The following ADGRV1 variants were observed in gnomAD, a reference collection of about 807,000 sequenced individuals.
ADGRV1 encodes adhesion G protein-coupled receptor V1.
Under a neutral mutation model 596.2 loss-of-function variants are expected in ADGRV1, and 359 were observed. That is an observed-to-expected ratio of 0.60 (90% CI 0.55 to 0.66). The LOEUF (loss-of-function observed/expected upper bound fraction) is 0.66, where lower values mean the gene tolerates loss of function less well. Ranked by LOEUF, ADGRV1 falls within the 30% of genes least tolerant of loss-of-function variation. The pLI is 0.00. For synonymous variants in ADGRV1, 2,681 were observed against 2,679.2 expected (o/e 1.00, Z -0.02); for missense variants, 7,274 against 7,575.6 (o/e 0.96, Z 1.48).
At position 90,745,221 on chromosome 5, in the gene ADGRV1, A is replaced by G. The variant is rs1754475177; in HGVS notation, c.10725A>G (p.Ile3575Met). The G allele has an allele frequency of 9.3e-6, 15 of 1,609,808 alleles. No homozygotes were observed. Among genetic ancestry groups the G allele is most frequent in the Non-Finnish European group, 1.1e-5 (13 of 1,179,184 alleles). Residue 3575 changes from isoleucine to methionine, a missense_variant, in exon 51 of 90, where the codon ATA becomes ATG. This residue lies in a region of ADGRV1 where 3,643 missense variants were observed against 3,809.2 expected (regional missense o/e 0.96). Coordinates refer to ENST00000405460, the MANE Select transcript of ADGRV1 (RefSeq NM_032119.4). ...CTCTAGTGGGAGCTCATTCACATATATATGAGCTAGCCTACATTTCCAGCC... is the reference window on the plus strand; with the variant it reads ...CTCTAGTGGGAGCTCATTCACATATGTATGAGCTAGCCTACATTTCCAGCC... Reference protein sequence around the residue: ...LIALVGAHSHIYELAYISSHS... With the variant: ...LIALVGAHSHMYELAYISSHS...
At chr5:90,654,081 T>A in intron 20 of ADGRV1, 129 bp downstream of exon 20, 1 of 910,026 alleles carries the variant, frequency 1.1e-6, no homozygotes, top group Non-Finnish European at 1.7e-6. Context: ...TTAATTTCTT[T>A]AATCAAAACT....
intron 41 of ADGRV1, 148 bp from the exon 42 acceptor site, chr5:90,712,139 A>T: frequency 2.0e-6 from 1 of 509,254 alleles, no homozygotes. Flanking sequence ...AAATAAAAAG[A>T]TATAAACCAA....
In ADGRV1 at chr5:90,778,922, A is replaced by G; in HGVS notation, c.12907A>G (p.Lys4303Glu). The change falls in exon 64 of 90, where the codon AAG (lysine) becomes GAG (glutamate). Residue 4303 changes from lysine to glutamate, a missense_variant. This residue lies in a region of ADGRV1 where 3,643 missense variants were observed against 3,809.2 expected (regional missense o/e 0.96). Coordinates refer to ENST00000405460, the MANE Select transcript of ADGRV1 (RefSeq NM_032119.4). Reference protein sequence around the residue: ...GDFGHVRLWYKTMSGTAEAGL... With the variant: ...GDFGHVRLWYETMSGTAEAGL... ...TTTTGGCCATGTGCGACTCTGGTAC[A>G]AGACGATGAGCGGGACAGCGGAAGC... 6.2e-7 allele frequency: 1 copy of G among 1,613,518 alleles called. No homozygotes were observed. Among genetic ancestry groups the G allele is most frequent in the Non-Finnish European group, 8.5e-7 (1 of 1,179,552 alleles).
chr5:90,969,668 A>G (rs1169105790), intron 84 of ADGRV1, among the ~76,000 whole-genome samples: 1 of 152,258 alleles, frequency 6.6e-6, no homozygotes, highest in Admixed American at 6.5e-5. Context: ...TGAATTATCC[A>G]TCTGTTTGCT....
At position 90,956,494 on chromosome 5, in the gene ADGRV1, A is replaced by T. The variant is rs1019266208; in HGVS notation, c.17857-8921A>T. On this transcript the variant is annotated intron_variant, in intron 83 of 89. Coordinates refer to ENST00000405460, the MANE Select transcript of ADGRV1 (RefSeq NM_032119.4). The stretch of plus-strand genomic sequence containing the variant: ...AATTATGTTCACTCCAGATATAGAG[A>T]CTGTTTTGTTTCCACAGAATTCGTA... Among the ~76,000 whole-genome samples the T allele has an allele frequency of 2.6e-5, 4 of 152,122 alleles. No individual in the cohort carries two copies. The East Asian group carries it at 7.7e-4, about 29-fold the overall frequency.
At chr5:90,934,924 C>G (rs971380347) in intron 83 of ADGRV1, among the ~76,000 whole-genome samples, 1 of 152,146 alleles carries the variant, frequency 6.6e-6, no homozygotes, top group Non-Finnish European at 1.5e-5. Flanking sequence ...TACAAGGGCA[C>G]TAATCCCATG....
At chr5:91,095,937 T>C (rs1187766872) in intron 86 of ADGRV1, among the ~76,000 whole-genome samples, 1 of 150,602 alleles carries the variant, frequency 6.6e-6, no homozygotes, top group Non-Finnish European at 1.5e-5. Context: ...CTAATTTTTG[T>C]ATTTTAATAG....
chr5:90,962,175 A>G (rs1015207810), intron 83 of ADGRV1, among the ~76,000 whole-genome samples: 1 of 152,250 alleles, frequency 6.6e-6, no homozygotes, highest in African/African-American at 2.4e-5. Flanking sequence ...GATACAAACA[A>G]TAATAGTTTC....
chr5:91,141,112 A>T, intron 87 of ADGRV1, among the ~76,000 whole-genome samples: 1 of 152,222 alleles, frequency 6.6e-6, no homozygotes, highest in Non-Finnish European at 1.5e-5. Flanking sequence ...GAATACCTTG[A>T]TGTATACTGG....
chr5:90,902,703 T>G (rs954212933), intron 83 of ADGRV1, among the ~76,000 whole-genome samples: 4 of 152,172 alleles, frequency 2.6e-5, no homozygotes, highest in African/African-American at 4.8e-5. Context: ...TGATAAGAAC[T>G]TTAATCACAT....
chr5:91,112,104 TG>T (rs1792423819), intron 87 of ADGRV1, among the ~76,000 whole-genome samples: 1 of 152,248 alleles, frequency 6.6e-6, no homozygotes, highest in African/African-American at 2.4e-5. Flanking sequence ...GCCTGTTGAT[TG>T]ACCAGGCATA....
In ADGRV1 at chr5:90,821,017, C is replaced by A. The variant is rs1161150199; in HGVS notation, c.16197-2408C>A. 7.9e-5 allele frequency among the ~76,000 whole-genome samples: 12 copies of A among 151,910 alleles called. No homozygotes were observed. The East Asian group carries it at 1.2e-3, about 15-fold the overall frequency. On this transcript the variant is annotated intron_variant, in intron 75 of 89. Coordinates refer to ENST00000405460, the MANE Select transcript of ADGRV1 (RefSeq NM_032119.4). Reference sequence around the variant, plus strand: ...ATAATATCCTGCAGAGTGTTTTCCACCTTGGTTCCATTCTCCCCATCACTT... The same window carrying A: ...ATAATATCCTGCAGAGTGTTTTCCAACTTGGTTCCATTCTCCCCATCACTT...
chr5:90,714,904 C>A (rs1020924369), intron 42 of ADGRV1, among the ~76,000 whole-genome samples: 22 of 152,038 alleles, frequency 1.4e-4, no homozygotes, highest in Non-Finnish European at 7.4e-5. Context: ...CTTTTTCTTT[C>A]TCTAAATTAT....
chr5:90,606,113 T>G (rs1319692558), intron 1 of ADGRV1, among the ~76,000 whole-genome samples: 1 of 152,188 alleles, frequency 6.6e-6, no homozygotes, highest in Non-Finnish European at 1.5e-5. Context: ...CACACTACTT[T>G]TTGGCTTGTA....
At chr5:90,632,017 T>C (rs2149392311) in intron 9 of ADGRV1, among the ~76,000 whole-genome samples, 1 of 152,160 alleles carries the variant, frequency 6.6e-6, no homozygotes, top group Middle Eastern at 3.4e-3. Context: ...GGGATTCAAT[T>C]TTTTGAGTTT....
chr5:90,608,184 C>G (rs1432085057), intron 1 of ADGRV1, among the ~76,000 whole-genome samples: 1 of 151,978 alleles, frequency 6.6e-6, no homozygotes, highest in Non-Finnish European at 1.5e-5. Context: ...AGAAAACTAT[C>G]CTCAGAATAT....
intron 83 of ADGRV1, among the ~76,000 whole-genome samples, chr5:90,867,326 C>G (rs1768221973): frequency 6.6e-6 from 1 of 152,114 alleles, no homozygotes; most frequent in Admixed American, 6.5e-5. Context: ...TTTTCTGAAA[C>G]TAAATAGCAA....
In ADGRV1 at chr5:90,836,097, G is replaced by A. The variant is rs562434718; in HGVS notation, c.16612-4481G>A. 3.3e-5 allele frequency among the ~76,000 whole-genome samples: 5 copies of A among 152,290 alleles called. No homozygotes were observed. The South Asian group carries it at 1.0e-3, about 32-fold the overall frequency. ...CCATGACAATACCAAATGCTGGTGA[G>A]AATTCACAGAGACTGGATCACTTAT... On this transcript the variant is annotated intron_variant, in intron 77 of 89. Coordinates refer to ENST00000405460, the MANE Select transcript of ADGRV1 (RefSeq NM_032119.4).
chr5:90,952,335 G>A (rs1777125875), intron 83 of ADGRV1, among the ~76,000 whole-genome samples: 1 of 152,120 alleles, frequency 6.6e-6, no homozygotes, highest in South Asian at 2.1e-4. Context: ...CAGTTGGCAT[G>A]CTCTTTTCTT....
Sources: allele counts gnomAD v4.1 joint callset (sites outside exome capture counted in the v4.1 genomes callset), GRCh38; gene constraint gnomAD v4.1.1; regional missense constraint gnomAD v4.1.1; transcripts MANE v1.5; gene names NCBI Gene and HGNC (gene_info 2026-07-23, HGNC 2026-07-21).